The following ARHGAP10 variants were observed in gnomAD, a reference collection of about 807,000 sequenced individuals.
ARHGAP10 encodes the protein rho GTPase-activating protein 10.
A neutral mutation model predicts 108.6 loss-of-function variants in ARHGAP10; 87 were observed. The observed-to-expected ratio is 0.80, with a 90% CI of 0.67 to 0.96. The LOEUF (loss-of-function observed/expected upper bound fraction) is 0.96. ARHGAP10 is among the 40% of genes least tolerant of loss of function. ARHGAP10 has a pLI of 0.00. For missense variants in ARHGAP10, 939 were observed against 954.5 expected, an observed-to-expected ratio of 0.98 and a Z score of 0.21; for synonymous variants, 347 against 341.1, an observed-to-expected ratio of 1.02 and a Z score of -0.19.
intron 9 of ARHGAP10, 24 bp downstream of exon 9, chr4:147,879,362 A>T: frequency 6.3e-7 from 1 of 1,593,480 alleles, no homozygotes; most frequent in East Asian, 2.2e-5. Context: ...TCAACATAGA[A>T]TAGATTATAA....
chr4:147,939,174 A>G (rs1005387428), intron 13 of ARHGAP10, among the ~76,000 whole-genome samples: 1 of 152,184 alleles, frequency 6.6e-6, no homozygotes, highest in Non-Finnish European at 1.5e-5. Flanking sequence ...TGTTCAGCAT[A>G]CCAAATTAGG....
At chr4:147,864,283 C>T (rs561340128) in intron 5 of ARHGAP10, 3 of 152,450 alleles carry the variant, frequency 2.0e-5, no homozygotes, top group Admixed American at 6.5e-5. Context: ...TTCTGAGGGC[C>T]GCAGATGGGC....
chr4:147,784,212 CATAACATTAAATTGTGT>C, intron 1 of ARHGAP10, among the ~76,000 whole-genome samples: 1 of 94,532 alleles, frequency 1.1e-5, no homozygotes, highest in South Asian at 4.2e-4. Context: ...ATATATTTTA[CATAACATTAAATTGTGT>C]ATTATATAAT....
Position 147,833,938 on chromosome 4 carries a change from T to C in ARHGAP10, c.312+10981T>C, listed in dbSNP as rs1333247983. On this transcript the variant is annotated intron_variant, in intron 3 of 22. Transcript: ENST00000336498. ...GAGGAAGGAGGAGTGACATTGACTA[T>C]CAGGCCCAGCTGCTCTGTGGTACAG... Among the ~76,000 whole-genome samples the C allele has an allele frequency of 2.0e-5, 3 of 152,208 alleles. 1 individual carries two copies. The highest frequency in any genetic ancestry group is 2.0e-4 in the Admixed American group (3 of 15,268).
At chr4:147,767,220 A>G (rs1376046269) in intron 1 of ARHGAP10, among the ~76,000 whole-genome samples, 1 of 152,126 alleles carries the variant, frequency 6.6e-6, no homozygotes, top group Non-Finnish European at 1.5e-5. Context: ...ATCAGTTCCT[A>G]AGTTTATTTA....
intron 18 of ARHGAP10, among the ~76,000 whole-genome samples, chr4:147,969,878 T>C (rs1433913577): frequency 6.6e-6 from 1 of 152,176 alleles, no homozygotes; most frequent in Non-Finnish European, 1.5e-5. Context: ...ACAACCAACG[T>C]TAATTAAGTG....
At chr4:147,899,263 G>T (rs1736127251) in intron 10 of ARHGAP10, among the ~76,000 whole-genome samples, 1 of 151,910 alleles carries the variant, frequency 6.6e-6, no homozygotes, top group African/African-American at 2.4e-5. Flanking sequence ...GTCTGTGATG[G>T]TTTCCTCTTT....
chr4:148,005,193 A>G (rs1489845316), intron 18 of ARHGAP10, among the ~76,000 whole-genome samples: 1 of 152,216 alleles, frequency 6.6e-6, no homozygotes, highest in Non-Finnish European at 1.5e-5. Flanking sequence ...AGTGTCTATA[A>G]CGCTGCATGT....
intron 21 of ARHGAP10, among the ~76,000 whole-genome samples, chr4:148,064,188 C>G (rs181134136): frequency 4.3e-4 from 65 of 152,316 alleles, no homozygotes; most frequent in African/African-American, 1.5e-3. Context: ...TCAGTGACAG[C>G]TCCTCAGAGA....
chr4:147,878,493 C>T (rs1735175561), intron 8 of ARHGAP10, among the ~76,000 whole-genome samples: 1 of 152,156 alleles, frequency 6.6e-6, no homozygotes. Context: ...GATTTTTAGA[C>T]TAGATGCTTC....
chr4:147,899,365 C>G (rs72957792), intron 10 of ARHGAP10, among the ~76,000 whole-genome samples: 4,151 of 149,034 alleles, frequency 0.028, 195 homozygotes, highest in African/African-American at 0.1. Flanking sequence ...GTCTGTGTGT[C>G]TTTGTCTTCT....
intron 18 of ARHGAP10, among the ~76,000 whole-genome samples, chr4:147,996,333 A>G (rs1404528759): frequency 6.6e-6 from 1 of 152,246 alleles, no homozygotes; most frequent in African/African-American, 2.4e-5. Context: ...TTGCCTCAGG[A>G]GAGGAAGGTG....
intron 18 of ARHGAP10, among the ~76,000 whole-genome samples, chr4:147,985,743 A>G (rs1740017885): frequency 6.6e-6 from 1 of 152,164 alleles, no homozygotes; most frequent in African/African-American, 2.4e-5. Context: ...TTCTGAGAAA[A>G]TACATGCAGC....
chr4:148,060,361 T>C (rs1017131283), intron 20 of ARHGAP10, among the ~76,000 whole-genome samples: 1 of 151,548 alleles, frequency 6.6e-6, no homozygotes, highest in African/African-American at 2.4e-5. Context: ...TTTTTTTTTT[T>C]TTTTTGGCCT....
chr4:147,740,472 G>A (rs1182860771), intron 1 of ARHGAP10, among the ~76,000 whole-genome samples: 1 of 152,154 alleles, frequency 6.6e-6, no homozygotes, highest in Admixed American at 6.5e-5. Context: ...ATTATCTAGA[G>A]TGTGTGTACA....
At chr4:147,809,528 A>G (rs1168909434) in intron 1 of ARHGAP10, among the ~76,000 whole-genome samples, 1 of 152,222 alleles carries the variant, frequency 6.6e-6, no homozygotes, top group East Asian at 1.9e-4. Flanking sequence ...GTTGTTGATG[A>G]AGAAACTAAA....
chr4:147,766,720 TAATATA>T (rs1157618563), intron 1 of ARHGAP10, among the ~76,000 whole-genome samples: 6 of 145,114 alleles, frequency 4.1e-5, no homozygotes, highest in Non-Finnish European at 9.0e-5. Flanking sequence ...AAAATATATA[TAATATA>T]AATATATATT....
chr4:147,877,934 C>G (rs1353370586), intron 8 of ARHGAP10, among the ~76,000 whole-genome samples: 1 of 151,316 alleles, frequency 6.6e-6, no homozygotes, highest in Non-Finnish European at 1.5e-5. Context: ...CCAGACAATA[C>G]CAATGTTATT....
intron 13 of ARHGAP10, among the ~76,000 whole-genome samples, chr4:147,933,679 G>A (rs1737797148): frequency 6.6e-6 from 1 of 152,286 alleles, no homozygotes; most frequent in South Asian, 2.1e-4. Flanking sequence ...GACTGTGTGG[G>A]AATACTGGCC....
Sources: allele counts gnomAD v4.1 joint callset (sites outside exome capture counted in the v4.1 genomes callset), GRCh38; gene constraint gnomAD v4.1.1; transcripts MANE v1.5; gene names NCBI Gene and HGNC (gene_info 2026-07-23, HGNC 2026-07-21).